The following NDRG3 variants were observed in gnomAD, a reference collection of about 807,000 sequenced individuals.
NDRG3 encodes NDRG family member 3.
A neutral mutation model predicts 57.2 loss-of-function variants in NDRG3; 23 were observed. That is an observed-to-expected ratio of 0.40 (90% CI 0.29 to 0.57). The LOEUF (loss-of-function observed/expected upper bound fraction) is 0.57, where lower values mean the gene tolerates loss of function less well. NDRG3 is among the 20% of genes least tolerant of loss of function. NDRG3 has a pLI of 0.42. For missense variants in NDRG3, 384 were observed against 457.3 expected, an observed-to-expected ratio of 0.84 and a Z score of 1.46; for synonymous variants, 132 against 162.6, an observed-to-expected ratio of 0.81 and a Z score of 1.43.
At chr20:36,666,534 A>G in intron 9 of NDRG3, 142 bp from the exon 10 acceptor site, 2 of 637,828 alleles carry the variant, frequency 3.1e-6, no homozygotes, top group Non-Finnish European at 2.9e-6. Flanking sequence ...CTACTGATGT[A>G]CTGGTAGGCT....
chr20:36,706,959 G>A lies in NDRG3; in HGVS notation c.93+13C>T. The A allele has an allele frequency of 6.2e-7, 1 of 1,612,500 alleles. No individual in the cohort carries two copies. The highest frequency in any genetic ancestry group is 8.5e-7 in the Non-Finnish European group (1 of 1,178,710). ...CCTGTACAGAGCCTCCTTCTTGCTT[G>A]TACAGTCCTTACCTGACAGTCAAAG... On this transcript the variant is annotated intron_variant, in intron 3 of 15. Transcript: ENST00000349004.
At chr20:36,706,842 G>A (rs1039714308) in intron 3 of NDRG3, 130 bp downstream of exon 3, 3 of 724,120 alleles carry the variant, frequency 4.1e-6, no homozygotes, top group Admixed American at 2.7e-5. Context: ...TTGATCCAAT[G>A]ACCAAACGAA....
intron 8 of NDRG3, among the ~76,000 whole-genome samples, chr20:36,674,301 G>A (rs1276451525): frequency 6.6e-6 from 1 of 151,806 alleles, no homozygotes; most frequent in African/African-American, 2.4e-5. Context: ...CCGGGTTCAA[G>A]TGATTCTCCT....
At chr20:36,693,872 T>C (rs889478842) in intron 3 of NDRG3, among the ~76,000 whole-genome samples, 2 of 151,968 alleles carry the variant, frequency 1.3e-5, no homozygotes, top group Admixed American at 1.3e-4. Flanking sequence ...AATGTAATAA[T>C]AGAAAGTGCA....
At chr20:36,737,485 C>T (rs542201000) in intron 1 of NDRG3, among the ~76,000 whole-genome samples, 3 of 152,266 alleles carry the variant, frequency 2.0e-5, no homozygotes, top group East Asian at 1.9e-4. Context: ...ATTTATTGAG[C>T]GCTTAACACT....
At chr20:36,731,418 T>G (rs1355149868) in intron 1 of NDRG3, among the ~76,000 whole-genome samples, 1 of 152,132 alleles carries the variant, frequency 6.6e-6, no homozygotes, top group Admixed American at 6.6e-5. Flanking sequence ...GCCATTAACT[T>G]TGGACAGTAA....
chr20:36,700,895 C>T (rs764909756), intron 3 of NDRG3, among the ~76,000 whole-genome samples: 66 of 151,932 alleles, frequency 4.3e-4, no homozygotes, highest in African/African-American at 1.5e-3. Flanking sequence ...TACCTCAGCC[C>T]CCCAAGTAGC....
chr20:36,730,683 C>G (rs1217901923), intron 1 of NDRG3, among the ~76,000 whole-genome samples: 1 of 152,016 alleles, frequency 6.6e-6, no homozygotes, highest in Non-Finnish European at 1.5e-5. Flanking sequence ...CACAGTGGCT[C>G]ATGCCTATAA....
intron 1 of NDRG3, among the ~76,000 whole-genome samples, chr20:36,725,710 C>T (rs1203192694): frequency 1.3e-5 from 2 of 151,874 alleles, no homozygotes; most frequent in African/African-American, 4.8e-5. Flanking sequence ...AGCCTATTTC[C>T]ACTTGTTTTT....
At position 36,737,917 on chromosome 20, in the gene NDRG3, C is replaced by T. The variant is rs566361763; in HGVS notation, c.-49+8128G>A. On this transcript the variant is annotated intron_variant, in intron 1 of 15. Coordinates refer to ENST00000349004, the MANE Select transcript of NDRG3 (RefSeq NM_032013.4). ...ACCTCCACCAAAAATACAAAAAATT[C>T]GCCAGGCATGGTGGCGGTCACCTGT... 1.3e-3 allele frequency among the ~76,000 whole-genome samples: 194 copies of T among 150,028 alleles called. 2 individuals are homozygous for T. The highest frequency in any genetic ancestry group is 3.4e-3 in the South Asian group (16 of 4,708).
chr20:36,723,657 C>CGTG (rs1483265642), intron 1 of NDRG3, among the ~76,000 whole-genome samples: 3 of 107,670 alleles, frequency 2.8e-5, no homozygotes, highest in East Asian at 5.0e-4. Context: ...AGATATTAGT[C>CGTG]TAGTGTGTGT....
rs922773017 is a variant in NDRG3, at chr20:36,653,212, G to A, written c.*308C>T. ...CACGCGTGCTCGCACACACAGAGTC[G>A]GGATCAAAGAATCTTATCTGATACA... On this transcript the variant is annotated 3_prime_UTR_variant, in exon 16 of 16. Coordinates refer to ENST00000349004, the MANE Select transcript of NDRG3 (RefSeq NM_032013.4). The surrounding 1 kb of genome is among the most constrained non-coding windows in gnomAD (Gnocchi z 4.2). 1.1e-5 allele frequency: 3 copies of A among 261,732 alleles called. No individual in the cohort carries two copies. Among genetic ancestry groups the A allele is most frequent in the Non-Finnish European group, 2.2e-5 (3 of 137,350 alleles). The allele number at this position is 261,732 out of a possible 1,614,324, so 16.2% of individuals were successfully genotyped here.
chr20:36,712,576 TATATATATA>T (rs1983967962), intron 2 of NDRG3, among the ~76,000 whole-genome samples: 3 of 21,072 alleles, frequency 1.4e-4, no homozygotes, highest in Non-Finnish European at 3.7e-4. Flanking sequence ...TATATATATA[TATATATATA>T]TATTTTTTTT....
At chr20:36,715,218 T>A (rs1600945272) in intron 2 of NDRG3, among the ~76,000 whole-genome samples, 1 of 151,514 alleles carries the variant, frequency 6.6e-6, no homozygotes, top group South Asian at 2.1e-4. Context: ...AAAAATCCCA[T>A]GGGCACTCTG....
chr20:36,693,225 C>T (rs1226952095), intron 3 of NDRG3, among the ~76,000 whole-genome samples: 1 of 119,618 alleles, frequency 8.4e-6, no homozygotes, highest in Non-Finnish European at 1.7e-5. Context: ...TATGTATATA[C>T]GTATATATAT....
chr20:36,692,674 C>A (rs1200913147), intron 3 of NDRG3, among the ~76,000 whole-genome samples: 1 of 152,008 alleles, frequency 6.6e-6, no homozygotes, highest in African/African-American at 2.4e-5. Context: ...AAGGCTGGGG[C>A]CTTAGATTTC....
chr20:36,728,210 C>T (rs1045913020), intron 1 of NDRG3, among the ~76,000 whole-genome samples: 34 of 152,014 alleles, frequency 2.2e-4, no homozygotes, highest in Non-Finnish European at 4.1e-4. Flanking sequence ...CCTGCCACAA[C>T]GCCCGGCTAA....
At chr20:36,660,131 C>A (rs1226931438) in intron 13 of NDRG3, among the ~76,000 whole-genome samples, 2 of 151,850 alleles carry the variant, frequency 1.3e-5, no homozygotes, top group African/African-American at 4.8e-5. Flanking sequence ...TTGCTTGAAC[C>A]CGAGAGGTGG....
intron 4 of NDRG3, 91 bp downstream of exon 4, chr20:36,688,588 C>T (rs1012037179): frequency 2.0e-5 from 19 of 954,436 alleles, no homozygotes; most frequent in Non-Finnish European, 3.0e-5. Context: ...AGGGGGAAAC[C>T]TCTGCTCTAT....
Sources: allele counts gnomAD v4.1 joint callset (sites outside exome capture counted in the v4.1 genomes callset), GRCh38; gene constraint gnomAD v4.1.1; non-coding constraint Gnocchi (gnomAD v3.1); transcripts MANE v1.5; gene names NCBI Gene and HGNC (gene_info 2026-07-23, HGNC 2026-07-21).